Variants in RIMS2 observed in about 807,000 individuals in gnomAD.
RIMS2 encodes the protein regulating synaptic membrane exocytosis protein 2.
RIMS2 carries 59 observed loss-of-function variants against 174.4 expected under a neutral mutation model. The observed-to-expected ratio is 0.34, with a 90% CI of 0.27 to 0.42. The LOEUF (loss-of-function observed/expected upper bound fraction) is 0.42. Among genes scored for constraint, RIMS2 ranks in the 10% least tolerant of loss-of-function variants. The pLI is 1.00. For synonymous variants in RIMS2, 606 were observed against 572.5 expected, an observed-to-expected ratio of 1.06 and a Z score of -0.84; for missense variants, 1,620 against 1,666.3, an observed-to-expected ratio of 0.97 and a Z score of 0.48.
At chr8:103,914,260 A>C (rs2076258324) in intron 6 of RIMS2, among the ~76,000 whole-genome samples, 1 of 152,272 alleles carries the variant, frequency 6.6e-6, no homozygotes, top group South Asian at 2.1e-4. Flanking sequence ...TTTAATCCAG[A>C]TATGCCTATT....
chr8:103,665,365 G>A (rs548024936), intron 1 of RIMS2, among the ~76,000 whole-genome samples: 2 of 152,222 alleles, frequency 1.3e-5, no homozygotes, highest in African/African-American at 4.8e-5. Context: ...TCAAACCTTG[G>A]TATTATGTTT....
At chr8:103,817,849 A>G (rs1201027185) in intron 3 of RIMS2, among the ~76,000 whole-genome samples, 1 of 152,130 alleles carries the variant, frequency 6.6e-6, no homozygotes, top group African/African-American at 2.4e-5. Context: ...TGATGGTGGC[A>G]TTAGCACATA....
intron 19 of RIMS2, among the ~76,000 whole-genome samples, chr8:104,179,399 A>G (rs2098927025): frequency 6.6e-6 from 1 of 152,018 alleles, no homozygotes; most frequent in Admixed American, 6.6e-5. Flanking sequence ...TAAGGATTCT[A>G]AGAAAACATT....
intron 19 of RIMS2, 32 bp from the exon 22 acceptor site, chr8:104,041,294 C>CT (rs756516818): frequency 1.5e-6 from 1 of 678,324 alleles, no homozygotes; most frequent in South Asian, 1.6e-5. Flanking sequence ...TCTCCTTTGT[C>CT]TATGTCTGTC....
At chr8:104,026,406 A>G (rs1273424314) in intron 19 of RIMS2, among the ~76,000 whole-genome samples, 1 of 152,100 alleles carries the variant, frequency 6.6e-6, no homozygotes, top group Admixed American at 6.6e-5. Context: ...ATTGTTTGTT[A>G]ATTTTGTTTG....
intron 3 of RIMS2, among the ~76,000 whole-genome samples, chr8:103,804,615 T>G (rs2154458095): frequency 6.6e-6 from 1 of 152,322 alleles, no homozygotes; most frequent in Middle Eastern, 3.4e-3. Context: ...CTCTTATTTC[T>G]AGGAGGAATA....
In RIMS2 at chr8:103,652,253, A is replaced by T; in HGVS notation, c.177-44833A>T. 2 of 1,337,902 alleles carry T rather than the reference A, an allele frequency of 1.5e-6. No individual in the cohort carries two copies. The highest frequency in any genetic ancestry group is 2.0e-6 in the Non-Finnish European group (2 of 1,009,360). 82.9% of individuals were successfully genotyped at this position (1,337,902 alleles called of 1,614,324 possible). On this transcript the variant is annotated intron_variant, in intron 1 of 23. Transcript: ENST00000504942. ...AACTGACACAGTAAGTAAATGTATTAAGAGTGTAGTAGGCTTGACTTCTGT... is the reference window on the plus strand; with the variant it reads ...AACTGACACAGTAAGTAAATGTATTTAGAGTGTAGTAGGCTTGACTTCTGT...
intron 19 of RIMS2, among the ~76,000 whole-genome samples, chr8:104,125,850 A>G (rs11993919): frequency 0.01 from 1,548 of 152,292 alleles, 26 homozygotes; most frequent in African/African-American, 0.034. Context: ...TCTAATTTTT[A>G]TATTTGCGGG....
chr8:103,761,494 T>G (rs2098112627), intron 2 of RIMS2, among the ~76,000 whole-genome samples: 1 of 152,182 alleles, frequency 6.6e-6, no homozygotes, highest in South Asian at 2.1e-4. Flanking sequence ...CCCAGGCACC[T>G]TTTTTTCCTG....
intron 17 of RIMS2, among the ~76,000 whole-genome samples, chr8:104,005,086 G>A (rs1008416780): frequency 3.9e-5 from 6 of 152,172 alleles, no homozygotes; most frequent in Non-Finnish European, 2.9e-5. Context: ...AAGGGTTATT[G>A]CAGTCTTGAA....
At chr8:103,790,133 C>G (rs1324325716) in intron 3 of RIMS2, among the ~76,000 whole-genome samples, 10 of 152,064 alleles carry the variant, frequency 6.6e-5, no homozygotes, top group Admixed American at 6.5e-4. Context: ...ATAAAATTAA[C>G]CCTTACAAAT....
chr8:104,025,110 T>C (rs761091772), intron 19 of RIMS2, among the ~76,000 whole-genome samples: 2 of 152,200 alleles, frequency 1.3e-5, no homozygotes, highest in Non-Finnish European at 2.9e-5. Flanking sequence ...AATCTGTTCA[T>C]TCTAAATTTT....
At chr8:103,739,362 C>T (rs1261166039) in intron 2 of RIMS2, among the ~76,000 whole-genome samples, 1 of 152,074 alleles carries the variant, frequency 6.6e-6, no homozygotes, top group Admixed American at 6.6e-5. Flanking sequence ...AGGAACATCA[C>T]ACACTGGGGC....
At chr8:103,912,011 A>G (rs781324295) in intron 5 of RIMS2, 42 bp from the exon 9 acceptor site, 1 of 1,457,510 alleles carries the variant, frequency 6.9e-7, no homozygotes, top group Non-Finnish European at 9.4e-7. Flanking sequence ...TCATTTATTT[A>G]TTTTGTATTT....
chr8:103,833,066 T>C (rs1163129237), intron 3 of RIMS2, among the ~76,000 whole-genome samples: 2 of 152,202 alleles, frequency 1.3e-5, no homozygotes, highest in African/African-American at 2.4e-5. Context: ...TGTATTTACC[T>C]GAAAAAATCT....
chr8:104,116,524 T>C (rs4512346), intron 19 of RIMS2, among the ~76,000 whole-genome samples: 35,656 of 152,016 alleles, frequency 0.23, 4,474 homozygotes, highest in African/African-American at 0.33. Context: ...AAATCTGTTC[T>C]GAAATGGTTT....
chr8:103,570,031 T>C lies in RIMS2; in HGVS notation c.176+68969T>C, dbSNP rs2092693129. ...AATTGATCTTTGAATATTGGTCTTG[T>C]ATCCTGCAATTAGTTTTAATCTACT... On this transcript the variant is annotated intron_variant, in intron 1 of 23. Coordinates refer to ENST00000504942, the Ensembl canonical transcript of RIMS2. Among the ~76,000 whole-genome samples the C allele has an allele frequency of 5.9e-5, 9 of 152,232 alleles. No homozygotes were observed. The South Asian group carries it at 1.9e-3, about 31-fold the overall frequency.
At chr8:104,213,464 A>T (rs2099114558) in intron 19 of RIMS2, among the ~76,000 whole-genome samples, 1 of 152,222 alleles carries the variant, frequency 6.6e-6, no homozygotes, top group African/African-American at 2.4e-5. Flanking sequence ...TCTACTCATT[A>T]CATTGTCAAC....
intron 3 of RIMS2, among the ~76,000 whole-genome samples, chr8:103,856,436 T>G (rs2099028112): frequency 1.3e-5 from 2 of 152,232 alleles, no homozygotes; most frequent in Admixed American, 1.3e-4. Flanking sequence ...ACTTCTGTGT[T>G]TCAGATGTGA....
Sources: allele counts gnomAD v4.1 joint callset (sites outside exome capture counted in the v4.1 genomes callset), GRCh38; gene constraint gnomAD v4.1.1; transcripts MANE v1.5; gene names NCBI Gene and HGNC (gene_info 2026-07-23, HGNC 2026-07-21).